Variants in DOCK1 observed in about 807,000 individuals in gnomAD.
DOCK1 encodes the protein dedicator of cytokinesis protein 1.
In DOCK1, 138 loss-of-function variants were observed where a neutral mutation model predicts 262.7. The observed-to-expected ratio is 0.53, with a 90% CI of 0.46 to 0.61. The LOEUF is 0.61. DOCK1 is among the 20% of genes least tolerant of loss of function. DOCK1 has a pLI of 0.00. For synonymous variants in DOCK1, 866 were observed against 867.4 expected, an observed-to-expected ratio of 1.00 and a Z score of 0.03; for missense variants, 1,908 against 2,370.7, an observed-to-expected ratio of 0.80 and a Z score of 4.05.
chr10:127,196,578 G>T (rs865849306), intron 27 of DOCK1, among the ~76,000 whole-genome samples: 36 of 146,602 alleles, frequency 2.5e-4, no homozygotes, highest in Middle Eastern at 6.8e-3. Context: ...TGGCACCGAG[G>T]CGGGCGGAGC....
At position 127,127,747 on chromosome 10, in the gene DOCK1, C is replaced by A; in HGVS notation, c.2830C>A (p.Arg944=). 1 of 1,612,894 alleles carries A rather than the reference C, an allele frequency of 6.2e-7. No homozygotes were observed. The highest frequency in any genetic ancestry group is 8.5e-7 in the Non-Finnish European group (1 of 1,179,082). ...GAACCGAACCGTCATTTCCATGGGA[C>A]GAGATTCTGAACTCATTGTAAGTGC... ...TVNRTVISMG[R]DSELIGNFVA... The change falls in exon 27 of 52, where the codon CGA becomes AGA. Residue 944 remains arginine, a synonymous_variant. Transcript: ENST00000623213.
intron 1 of DOCK1, among the ~76,000 whole-genome samples, chr10:126,936,129 C>T (rs1337467570): frequency 2.0e-5 from 3 of 152,174 alleles, no homozygotes; most frequent in Admixed American, 6.5e-5. Flanking sequence ...TACAGGTGCA[C>T]ACCACCATAC....
chr10:127,052,557 G>T, intron 21 of DOCK1, 124 bp from the exon 22 acceptor site: 22 of 1,270,728 alleles, frequency 1.7e-5, no homozygotes, highest in Non-Finnish European at 2.2e-5. Flanking sequence ...ACGTTTTACA[G>T]ATATTCATAT....
intron 7 of DOCK1, 116 bp downstream of exon 7, chr10:126,996,999 C>T: frequency 4.9e-6 from 6 of 1,215,054 alleles, no homozygotes; most frequent in Non-Finnish European, 6.6e-6. Context: ...AAAGGAGTAG[C>T]TGCAGAGTTT....
At chr10:127,261,169 G>T (rs550548008) in intron 29 of DOCK1, among the ~76,000 whole-genome samples, 3 of 145,030 alleles carry the variant, frequency 2.1e-5, no homozygotes, top group South Asian at 4.5e-4. Context: ...ATCTGTGTGT[G>T]TCCCTGCATG....
intron 51 of DOCK1, 124 bp from the exon 52 acceptor site, chr10:127,451,208 C>T (rs1172686864): frequency 2.7e-6 from 3 of 1,096,264 alleles, no homozygotes. Flanking sequence ...GGATGGAGCC[C>T]AACTCATGTG....
intron 27 of DOCK1, among the ~76,000 whole-genome samples, chr10:127,218,013 G>A (rs1355307062): frequency 1.3e-5 from 2 of 151,760 alleles, no homozygotes; most frequent in Non-Finnish European, 2.9e-5. Context: ...TTGTAGGAGT[G>A]CAGCTTTATT....
At chr10:126,958,473 G>A (rs1454960932) in intron 1 of DOCK1, among the ~76,000 whole-genome samples, 1 of 152,142 alleles carries the variant, frequency 6.6e-6, no homozygotes, top group Non-Finnish European at 1.5e-5. Context: ...CTCTGTTTTG[G>A]CATTTTGGCA....
rs1411239352 is a variant in DOCK1 at position 127,012,334 on chromosome 10, C to T, written c.1161C>T (p.Asn387=). 1 of 1,614,024 alleles carries T rather than the reference C, an allele frequency of 6.2e-7. No homozygotes were observed. The highest frequency in any genetic ancestry group is 8.5e-7 in the Non-Finnish European group (1 of 1,179,896). Residue 387 remains asparagine, a synonymous_variant, in exon 12 of 52, where the codon AAC becomes AAT. Coordinates refer to ENST00000623213, the MANE Select transcript of DOCK1 (RefSeq NM_001290223.2). The surrounding 1 kb of genome is among the most constrained non-coding windows in gnomAD (Gnocchi z 4.0). ...GENDFLQTVI[N]KVIAAKEVNH... ...ATGACTTCCTTCAGACTGTTATAAACAAAGTCATCGCTGCCAAAGAAGTCA... is the reference window on the plus strand; with the variant it reads ...ATGACTTCCTTCAGACTGTTATAAATAAAGTCATCGCTGCCAAAGAAGTCA...
intron 1 of DOCK1, among the ~76,000 whole-genome samples, chr10:126,942,983 G>A (rs980412204): frequency 5.9e-5 from 9 of 152,012 alleles, no homozygotes; most frequent in Non-Finnish European, 1.0e-4. Context: ...TAGGCCGGAC[G>A]TGGTGGCTCA....
At chr10:126,912,147 G>C (rs1481146212) in intron 1 of DOCK1, among the ~76,000 whole-genome samples, 3 of 152,122 alleles carry the variant, frequency 2.0e-5, no homozygotes, top group Non-Finnish European at 4.4e-5. Context: ...AGGCCACTAT[G>C]GCCAGCCTCG....
intron 27 of DOCK1, among the ~76,000 whole-genome samples, chr10:127,238,255 G>C (rs2059142667): frequency 6.6e-6 from 1 of 152,156 alleles, no homozygotes; most frequent in African/African-American, 2.4e-5. Context: ...ATTTCCTCAT[G>C]ATGGAACATT....
rs543886661 is a variant in DOCK1, at chr10:127,154,430, TATA to T, written c.2847+26670_2847+26672del. On this transcript the variant is annotated intron_variant, in intron 27 of 51. Coordinates refer to ENST00000623213, the MANE Select transcript of DOCK1 (RefSeq NM_001290223.2). ...AGCACTTGAAAAAAAATTGAAAGCA[TATA>T]ATATTTGTGACACATGGAAATGATC... 5.5e-3 allele frequency among the ~76,000 whole-genome samples: 840 copies of T among 152,368 alleles called. 10 individuals carry two copies. The highest frequency in any genetic ancestry group is 0.019 in the African/African-American group (793 of 41,588).
intron 28 of DOCK1, among the ~76,000 whole-genome samples, chr10:127,248,942 G>T (rs2059524788): frequency 6.6e-6 from 1 of 152,112 alleles, no homozygotes; most frequent in Admixed American, 6.5e-5. Context: ...AAGGATCTAG[G>T]TTGCATGCTC....
intron 27 of DOCK1, 116 bp from the exon 28 acceptor site, chr10:127,247,892 C>A: frequency 2.1e-6 from 2 of 935,540 alleles, no homozygotes; most frequent in South Asian, 1.6e-5. Context: ...GGGCTCCCTG[C>A]CCATGCCCCG....
In DOCK1 at chr10:127,339,105, G is replaced by A. The variant is rs772868504; in HGVS notation, c.3123+21G>A. 4.9e-5 allele frequency: 76 copies of A among 1,546,972 alleles called. No individual in the cohort carries two copies. In the South Asian group the frequency reaches 6.3e-4, roughly 13 times the overall value. ...TACAGGTAAGAGAAGAGGTAGACAC[G>A]ACCTTTGTGGAGAAATCATGTTAAA... is the stretch of plus-strand genomic sequence containing the variant. On this transcript the variant is annotated intron_variant, in intron 30 of 51. Coordinates refer to ENST00000623213, the MANE Select transcript of DOCK1 (RefSeq NM_001290223.2).
chr10:127,086,820 C>T lies in DOCK1; in HGVS notation c.2446-19411C>T, dbSNP rs141353336. ...ATAGTTTTATGAAATGGAGAGTGGA[C>T]GAAACTACTTTAATATTCCTATACA... On this transcript the variant is annotated intron_variant, in intron 23 of 51. Transcript: ENST00000623213. 3.9e-4 allele frequency among the ~76,000 whole-genome samples: 60 copies of T among 151,960 alleles called. 1 individual carries two copies. Among genetic ancestry groups the T allele is most frequent in the African/African-American group, 1.3e-3 (53 of 41,456 alleles).
intron 25 of DOCK1, among the ~76,000 whole-genome samples, chr10:127,112,050 T>C (rs1045807140): frequency 1.3e-5 from 2 of 152,048 alleles, no homozygotes; most frequent in Non-Finnish European, 2.9e-5. Flanking sequence ...CCTGCGCTGT[T>C]GCCGAGGCTG....
chr10:127,200,062 C>T (rs1424237810), intron 27 of DOCK1, among the ~76,000 whole-genome samples: 1 of 152,164 alleles, frequency 6.6e-6, no homozygotes, highest in Admixed American at 6.5e-5. Flanking sequence ...CCCAACTGTC[C>T]GATGTCGCTG....
Sources: gnomAD v4.1 joint callset for allele counts (sites outside exome capture counted in the v4.1 genomes callset) on GRCh38, gnomAD v4.1.1 for gene constraint, Gnocchi (gnomAD v3.1) non-coding constraint, MANE v1.5 for transcripts, NCBI Gene and HGNC (gene_info 2026-07-23, HGNC 2026-07-21) for gene names.